CHST11: variants seen among roughly 807,000 people sequenced by gnomAD.
CHST11 encodes C4S-1.
CHST11 carries 9 observed loss-of-function variants against 30.4 expected under a neutral mutation model. That is an observed-to-expected ratio of 0.30 (90% CI 0.18 to 0.52). The LOEUF (loss-of-function observed/expected upper bound fraction) is 0.52, where lower values mean the gene tolerates loss of function less well. CHST11 is among the 20% of genes least tolerant of loss of function. The pLI is 0.97. For missense variants in CHST11, 348 were observed against 460.6 expected, an observed-to-expected ratio of 0.76 and a Z score of 2.24; for synonymous variants, 152 against 187.8, an observed-to-expected ratio of 0.81 and a Z score of 1.56.
At chr12:104,733,272 C>T (rs2040271586) in intron 2 of CHST11, among the ~76,000 whole-genome samples, 1 of 152,192 alleles carries the variant, frequency 6.6e-6, no homozygotes, top group South Asian at 2.1e-4. Context: ...CTTTCCAGAT[C>T]CCACAGGGAA....
At chr12:104,516,435 A>G (rs2038022628) in intron 1 of CHST11, among the ~76,000 whole-genome samples, 1 of 151,946 alleles carries the variant, frequency 6.6e-6, no homozygotes, top group African/African-American at 2.4e-5. Context: ...CAATTTTTTC[A>G]TTGCCTTTTT....
At chr12:104,568,024 G>A (rs1592767145) in intron 1 of CHST11, among the ~76,000 whole-genome samples, 2 of 152,312 alleles carry the variant, frequency 1.3e-5, no homozygotes, top group African/African-American at 4.8e-5. Flanking sequence ...AGCAGCAGGA[G>A]TAGACTAAGA....
At chr12:104,752,086 T>A (rs1286879579) in intron 2 of CHST11, among the ~76,000 whole-genome samples, 1 of 152,224 alleles carries the variant, frequency 6.6e-6, no homozygotes, top group Non-Finnish European at 1.5e-5. Context: ...CTCACAGTCC[T>A]GGAAGCCAGA....
intron 2 of CHST11, among the ~76,000 whole-genome samples, chr12:104,659,172 T>A (rs2039573761): frequency 6.6e-6 from 1 of 152,224 alleles, no homozygotes; most frequent in Non-Finnish European, 1.5e-5. Flanking sequence ...ATGCCATGGA[T>A]AAGAGCACAG....
At chr12:104,517,716 G>A (rs1795848) in intron 1 of CHST11, among the ~76,000 whole-genome samples, 18,133 of 152,150 alleles carry the variant, frequency 0.12, 1,420 homozygotes, top group East Asian at 0.34. Flanking sequence ...TGCCTCAAAA[G>A]CGACCTGGGA....
chr12:104,605,500 G>A (rs142994483), intron 2 of CHST11, among the ~76,000 whole-genome samples: 130 of 152,296 alleles, frequency 8.5e-4, no homozygotes, highest in African/African-American at 3.0e-3. Flanking sequence ...AATGGCGTGA[G>A]CCCGGGAGGC....
At chr12:104,464,163 G>A (rs1052796118) in intron 1 of CHST11, among the ~76,000 whole-genome samples, 1 of 151,578 alleles carries the variant, frequency 6.6e-6, no homozygotes, top group African/African-American at 2.4e-5. Context: ...TGCCTCCTGG[G>A]CCCAAGCAAT....
At chr12:104,632,925 G>T (rs1235540757) in intron 2 of CHST11, among the ~76,000 whole-genome samples, 1 of 152,270 alleles carries the variant, frequency 6.6e-6, no homozygotes, top group African/African-American at 2.4e-5. Context: ...CCTGGAGGGG[G>T]TGAGGGAAGG....
At chr12:104,544,179 A>AAAGAAAGAAAGG (rs2038319226) in intron 1 of CHST11, among the ~76,000 whole-genome samples, 1 of 147,030 alleles carries the variant, frequency 6.8e-6, no homozygotes, top group Non-Finnish European at 1.5e-5. Context: ...AGAAAGAAAG[A>AAAGAAAGAAAGG]AAGACCTGAA....
chr12:104,528,900 G>T (rs1010607838), intron 1 of CHST11, among the ~76,000 whole-genome samples: 3 of 152,154 alleles, frequency 2.0e-5, no homozygotes, highest in African/African-American at 7.2e-5. Context: ...TCCACTGAGG[G>T]CAACCTTACC....
At chr12:104,747,445 G>A (rs1306297146) in intron 2 of CHST11, among the ~76,000 whole-genome samples, 1 of 152,170 alleles carries the variant, frequency 6.6e-6, no homozygotes, top group Non-Finnish European at 1.5e-5. Context: ...TCAATATATG[G>A]TAGCTAGTAT....
At position 104,512,127 on chromosome 12, in the gene CHST11, C is replaced by G. The variant is rs116717009; in HGVS notation, c.118+54598C>G. On this transcript the variant is annotated intron_variant, in intron 1 of 2. Transcript: ENST00000303694. ...GTTGATTTAATCTGTAGATGCAGAACCTGAAGTTATAGAAGACTGAATGTA... is the reference window on the plus strand; with the variant it reads ...GTTGATTTAATCTGTAGATGCAGAAGCTGAAGTTATAGAAGACTGAATGTA... Among the ~76,000 whole-genome samples, 120 of 151,944 alleles carry G rather than the reference C, an allele frequency of 7.9e-4. 1 individual carries two copies. Among genetic ancestry groups the G allele is most frequent in the African/African-American group, 2.9e-3 (119 of 41,420 alleles).
chr12:104,546,322 G>A (rs967820340), intron 1 of CHST11, among the ~76,000 whole-genome samples: 2 of 147,358 alleles, frequency 1.4e-5, no homozygotes, highest in Admixed American at 1.4e-4. Context: ...AAAAAAATTA[G>A]CCAAGCATGG....
chr12:104,519,781 A>T (rs1259762192), intron 1 of CHST11, among the ~76,000 whole-genome samples: 1 of 152,232 alleles, frequency 6.6e-6, no homozygotes, highest in Admixed American at 6.5e-5. Context: ...AGGCTGCAGC[A>T]TGGAAACATG....
intron 1 of CHST11, among the ~76,000 whole-genome samples, chr12:104,472,142 T>C (rs993646429): frequency 1.0e-3 from 116 of 111,920 alleles, no homozygotes; most frequent in African/African-American, 4.3e-3. Flanking sequence ...TTTTTTTTTC[T>C]TTTTTTTTTT....
At chr12:104,569,658 G>A (rs1228625517) in intron 1 of CHST11, among the ~76,000 whole-genome samples, 1 of 152,152 alleles carries the variant, frequency 6.6e-6, no homozygotes, top group Non-Finnish European at 1.5e-5. Flanking sequence ...GGAATTTGGG[G>A]CCCAGATTCT....
chr12:104,712,819 A>G (rs911955325), intron 2 of CHST11, among the ~76,000 whole-genome samples: 1 of 152,062 alleles, frequency 6.6e-6, no homozygotes, highest in African/African-American at 2.4e-5. Context: ...GTTTCTCCCA[A>G]TTTATGGGGT....
rs575395008 is a variant in CHST11 at position 104,741,729 on chromosome 12, G to A, written c.205-15220G>A. On this transcript the variant is annotated intron_variant, in intron 2 of 2. Coordinates refer to ENST00000303694, the MANE Select transcript of CHST11 (RefSeq NM_018413.6). The stretch of plus-strand genomic sequence containing the variant: ...TGCACAGATGACAAATGTGTTTGGC[G>A]TTCACTGCAGAACCCGCTCATGTAA... 7.2e-5 allele frequency among the ~76,000 whole-genome samples: 11 copies of A among 152,248 alleles called. No homozygotes were observed. In the East Asian group the frequency reaches 9.7e-4, roughly 13 times the overall value.
intron 2 of CHST11, among the ~76,000 whole-genome samples, chr12:104,619,253 C>T (rs936753925): frequency 1.3e-5 from 2 of 152,254 alleles, no homozygotes; most frequent in African/African-American, 2.4e-5. Flanking sequence ...CTCACTCAGA[C>T]CCCTCCTGAG....
Sources: allele counts gnomAD v4.1 joint callset (sites outside exome capture counted in the v4.1 genomes callset), GRCh38; gene constraint gnomAD v4.1.1; transcripts MANE v1.5; gene names NCBI Gene and HGNC (gene_info 2026-07-23, HGNC 2026-07-21).